Variants in PTPRK observed in about 807,000 individuals in gnomAD.
PTPRK encodes receptor-type tyrosine-protein phosphatase kappa.
PTPRK carries 75 observed loss-of-function variants against 178.0 expected under a neutral mutation model. That is an observed-to-expected ratio of 0.42 (90% confidence interval 0.35 to 0.51). The LOEUF is 0.51. Among genes scored for constraint, PTPRK ranks in the 20% least tolerant of loss-of-function variants. The pLI is 0.02. For synonymous variants in PTPRK, 637 were observed against 620.6 expected (o/e 1.03, Z -0.39); for missense variants, 1,441 against 1,797.8 (o/e 0.80, Z 3.59).
Position 128,174,692 on chromosome 6 carries a change from T to C in PTPRK, c.1162+9740A>G, listed in dbSNP as rs574752157. The stretch of plus-strand genomic sequence containing the variant: ...GGTTCAGTTATTGATTTTTATTTTA[T>C]AGATGAAGAAGTGAAACATTACATT... On this transcript the variant is annotated intron_variant, in intron 7 of 29. Transcript: ENST00000368226. Among the ~76,000 whole-genome samples, 38 of 152,054 alleles carry C rather than the reference T, an allele frequency of 2.5e-4. 1 individual carries two copies. In the South Asian group the frequency reaches 6.6e-3, roughly 27 times the overall value.
chr6:128,255,336 T>C (rs546766413), intron 3 of PTPRK, among the ~76,000 whole-genome samples: 1 of 152,236 alleles, frequency 6.6e-6, no homozygotes, highest in African/African-American at 2.4e-5. Flanking sequence ...CTCATCTTCA[T>C]TGAGAACACA....
chr6:128,211,601 T>C (rs1343880718), intron 6 of PTPRK, among the ~76,000 whole-genome samples: 3 of 152,182 alleles, frequency 2.0e-5, no homozygotes, highest in Non-Finnish European at 4.4e-5. Context: ...TTTTGTTTTC[T>C]ATATATTTCC....
intron 3 of PTPRK, among the ~76,000 whole-genome samples, chr6:128,245,292 A>G (rs1815255322): frequency 6.6e-6 from 1 of 152,186 alleles, no homozygotes; most frequent in Non-Finnish European, 1.5e-5. Flanking sequence ...TATTTCATTT[A>G]AGTAGACTTT....
chr6:128,381,870 G>C (rs962285274), intron 2 of PTPRK, among the ~76,000 whole-genome samples: 1 of 151,982 alleles, frequency 6.6e-6, no homozygotes, highest in Non-Finnish European at 1.5e-5. Flanking sequence ...ATAATCTATA[G>C]AGTCTCTTTC....
In PTPRK at chr6:128,029,711, T is replaced by C. The variant is rs143305285; in HGVS notation, c.2195-20443A>G. On this transcript the variant is annotated intron_variant, in intron 13 of 29. Coordinates refer to ENST00000368226, the MANE Select transcript of PTPRK (RefSeq NM_002844.4). The stretch of plus-strand genomic sequence containing the variant: ...TAATCCAGCCTCACATATTACTTTA[T>C]AGCAATGCAAGGACTAACTAACACA... Among the ~76,000 whole-genome samples, 781 of 150,788 alleles carry C rather than the reference T, an allele frequency of 5.2e-3. 6 individuals are homozygous for C. The highest frequency in any genetic ancestry group is 0.018 in the African/African-American group (735 of 41,252).
intron 7 of PTPRK, among the ~76,000 whole-genome samples, chr6:128,094,799 C>T (rs1787627479): frequency 6.6e-6 from 1 of 151,796 alleles, no homozygotes; most frequent in South Asian, 2.1e-4. Flanking sequence ...TACTCCCATC[C>T]TTTCAGAGAT....
chr6:128,466,995 A>G (rs140149837), intron 1 of PTPRK, among the ~76,000 whole-genome samples: 137 of 152,274 alleles, frequency 9.0e-4, no homozygotes, highest in Middle Eastern at 6.8e-3. Flanking sequence ...ATCAAGGCAG[A>G]CAGTGAACTG....
chr6:128,199,731 C>T (rs1412480599), intron 6 of PTPRK, among the ~76,000 whole-genome samples: 1 of 152,118 alleles, frequency 6.6e-6, no homozygotes, highest in Non-Finnish European at 1.5e-5. Context: ...ACATTTAAAG[C>T]CAGCATGTAT....
chr6:128,022,222 G>A (rs1773622164), intron 13 of PTPRK, among the ~76,000 whole-genome samples: 1 of 152,140 alleles, frequency 6.6e-6, no homozygotes, highest in South Asian at 2.1e-4. Flanking sequence ...GCCTGTTAGT[G>A]GCACAGTTGG....
intron 1 of PTPRK, among the ~76,000 whole-genome samples, chr6:128,475,842 A>C (rs538849450): frequency 5.3e-5 from 8 of 152,062 alleles, no homozygotes; most frequent in East Asian, 3.9e-4. Context: ...TATTTTGGAG[A>C]AAAAGCAGGA....
At chr6:128,420,371 G>A (rs1843346436) in intron 1 of PTPRK, among the ~76,000 whole-genome samples, 1 of 152,162 alleles carries the variant, frequency 6.6e-6, no homozygotes. Flanking sequence ...TGAAATTCTT[G>A]TAAGCAGAAA....
chr6:128,486,409 T>TA lies in PTPRK; in HGVS notation c.100+33849dup, dbSNP rs1452291891. Among the ~76,000 whole-genome samples the TA allele has an allele frequency of 3.3e-5, 5 of 152,290 alleles. No homozygotes were observed. In the East Asian group the frequency reaches 9.6e-4, roughly 29 times the overall value. On this transcript the variant is annotated intron_variant, in intron 1 of 29. Transcript: ENST00000368226. ...ACCAATTAATATATTATATGGTTTT[T>TA]ATGACAAACATAAAGAAAAAGTTTA...
intron 3 of PTPRK, among the ~76,000 whole-genome samples, chr6:128,246,268 C>T (rs1206638764): frequency 6.6e-6 from 1 of 151,946 alleles, no homozygotes; most frequent in Non-Finnish European, 1.5e-5. Flanking sequence ...ATTTTAATTT[C>T]TAGGTCTATC....
intron 6 of PTPRK, among the ~76,000 whole-genome samples, chr6:128,198,249 A>C (rs1378431604): frequency 6.6e-6 from 1 of 152,208 alleles, no homozygotes; most frequent in Non-Finnish European, 1.5e-5. Context: ...ACTTCTGAGA[A>C]AGATGCAAAC....
At chr6:127,973,597 T>C in intron 28 of PTPRK, 67 bp downstream of exon 28, 2 of 1,574,566 alleles carry the variant, frequency 1.3e-6, no homozygotes, top group Non-Finnish European at 8.7e-7. Flanking sequence ...CAGATAGTCT[T>C]TAACATTGAA....
At position 128,121,547 on chromosome 6, in the gene PTPRK, G is replaced by C. The variant is rs1391715668; in HGVS notation, c.1163-31555C>G. On this transcript the variant is annotated intron_variant, in intron 7 of 29. Transcript: ENST00000368226. ...CCTCATTCTAGTATAATAATCTAAA[G>C]GCTATAAAGAAACATAAGTACAAAC... Among the ~76,000 whole-genome samples the C allele has an allele frequency of 2.0e-5, 3 of 151,892 alleles. No individual in the cohort carries two copies. The East Asian group carries it at 5.8e-4, about 29-fold the overall frequency.
intron 3 of PTPRK, among the ~76,000 whole-genome samples, chr6:128,249,195 T>C (rs1373118104): frequency 1.3e-5 from 2 of 151,094 alleles, no homozygotes. Flanking sequence ...CAAAGATAAC[T>C]GAACAGAAAA....
At chr6:128,114,295 C>A (rs780448589) in intron 7 of PTPRK, among the ~76,000 whole-genome samples, 7 of 151,840 alleles carry the variant, frequency 4.6e-5, no homozygotes, top group Non-Finnish European at 7.4e-5. Context: ...AGAGAGAGAG[C>A]AAGTGAGCGG....
chr6:128,109,500 A>T (rs1321155168), intron 7 of PTPRK, among the ~76,000 whole-genome samples: 1 of 152,176 alleles, frequency 6.6e-6, no homozygotes, highest in African/African-American at 2.4e-5. Flanking sequence ...AATGGTAATG[A>T]ACATAAGCTA....
Sources: allele counts gnomAD v4.1 joint callset (sites outside exome capture counted in the v4.1 genomes callset), GRCh38; gene constraint gnomAD v4.1.1; transcripts MANE v1.5; gene names NCBI Gene and HGNC (gene_info 2026-07-23, HGNC 2026-07-21).